SENP7: variants seen among roughly 807,000 people sequenced by gnomAD.
SENP7 encodes sentrin-specific protease 7.
Under a neutral mutation model 141.2 loss-of-function variants are expected in SENP7, and 64 were observed. That is an observed-to-expected ratio of 0.45 (90% confidence interval 0.37 to 0.56). The LOEUF (loss-of-function observed/expected upper bound fraction) is 0.56. Among genes scored for constraint, SENP7 ranks in the 20% least tolerant of loss-of-function variants. The pLI, the probability that SENP7 is intolerant of heterozygous loss-of-function variation, is 0.00. For synonymous variants in SENP7, 382 were observed against 426.4 expected, an observed-to-expected ratio of 0.90 and a Z score of 1.28; for missense variants, 1,025 against 1,212.2, an observed-to-expected ratio of 0.85 and a Z score of 2.29.
chr3:101,453,512 T>A (rs1338956528), intron 4 of SENP7, among the ~76,000 whole-genome samples: 2 of 152,152 alleles, frequency 1.3e-5, no homozygotes, highest in African/African-American at 4.8e-5. Flanking sequence ...GTGGCACATA[T>A]ACACCATGGA....
intron 2 of SENP7, among the ~76,000 whole-genome samples, chr3:101,500,439 C>T (rs1450164761): frequency 4.6e-5 from 7 of 151,836 alleles, no homozygotes; most frequent in Non-Finnish European, 7.4e-5. Context: ...TCCCTGTATT[C>T]CCAGCTACAT....
intron 4 of SENP7, among the ~76,000 whole-genome samples, chr3:101,446,404 T>C (rs758603447): frequency 5.3e-5 from 8 of 152,254 alleles, no homozygotes; most frequent in Non-Finnish European, 7.3e-5. Context: ...ATCTGCACTA[T>C]AGACCTAATA....
intron 22 of SENP7, 148 bp from the exon 23 acceptor site, chr3:101,327,964 T>C: frequency 1.8e-6 from 1 of 566,924 alleles, no homozygotes; most frequent in Admixed American, 3.7e-5. Context: ...AACCTACATT[T>C]TATAAGGCTC....
Position 101,417,840 on chromosome 3 carries a change from T to A in SENP7, c.285-50A>T, listed in dbSNP as rs769630732. The A allele has an allele frequency of 8.7e-6, 12 of 1,378,568 alleles. No individual in the cohort carries two copies. In the South Asian group the frequency reaches 1.4e-4, roughly 16 times the overall value. 85.4% of individuals were successfully genotyped at this position (1,378,568 alleles called of 1,614,324 possible). ...ATATATGGTACTACACATTGTAGAATACATGAATTCATCACAAACTAATAT... is the reference window on the plus strand; with the variant it reads ...ATATATGGTACTACACATTGTAGAAAACATGAATTCATCACAAACTAATAT... On this transcript the variant is annotated intron_variant, in intron 4 of 23. Transcript: ENST00000394095.
At chr3:101,455,446 G>A (rs1406697460) in intron 4 of SENP7, among the ~76,000 whole-genome samples, 1 of 152,052 alleles carries the variant, frequency 6.6e-6, no homozygotes, top group East Asian at 1.9e-4. Flanking sequence ...TATAAATAGA[G>A]GGTTTTCAGT....
chr3:101,368,038 T>A (rs1487977048), intron 7 of SENP7, 27 bp from the exon 8 acceptor site: 9 of 1,556,708 alleles, frequency 5.8e-6, no homozygotes, highest in Admixed American at 5.7e-5. Context: ...AGCATAAATA[T>A]GGACAAAAAA....
chr3:101,492,048 C>T (rs577024527), intron 3 of SENP7, among the ~76,000 whole-genome samples: 84 of 151,652 alleles, frequency 5.5e-4, no homozygotes, highest in Middle Eastern at 3.4e-3. Flanking sequence ...GCCGAGATCG[C>T]GACATTGCAC....
Position 101,376,696 on chromosome 3 carries a change from A to G in SENP7, c.678-4570T>C, listed in dbSNP as rs145711659. ...TACACCTAATGTTAAATGACGAGTTAATGGGTGCAGCACACCAACATGGCA... is the reference window on the plus strand; with the variant it reads ...TACACCTAATGTTAAATGACGAGTTGATGGGTGCAGCACACCAACATGGCA... On this transcript the variant is annotated intron_variant, in intron 6 of 23. Coordinates refer to ENST00000394095, the MANE Select transcript of SENP7 (RefSeq NM_020654.5). Among the ~76,000 whole-genome samples, 455 of 152,268 alleles carry G rather than the reference A, an allele frequency of 3.0e-3. 11 individuals are homozygous for G. The East Asian group carries it at 0.065, about 22-fold the overall frequency.
chr3:101,443,011 C>T (rs192668394), intron 4 of SENP7, among the ~76,000 whole-genome samples: 98 of 152,278 alleles, frequency 6.4e-4, no homozygotes, highest in South Asian at 1.9e-3. Flanking sequence ...GTTTTAGACA[C>T]GAAGTCCCTG....
At chr3:101,504,941 C>G (rs1264185934) in intron 1 of SENP7, among the ~76,000 whole-genome samples, 1 of 152,000 alleles carries the variant, frequency 6.6e-6, no homozygotes, top group Non-Finnish European at 1.5e-5. Flanking sequence ...ATCGCTTGAG[C>G]CCAGGAGGTC....
chr3:101,344,724 T>C (rs553605632), intron 13 of SENP7, among the ~76,000 whole-genome samples: 2 of 152,196 alleles, frequency 1.3e-5, no homozygotes, highest in East Asian at 3.9e-4. Flanking sequence ...AAAGGAATAA[T>C]ATATAAGTAA....
chr3:101,441,308 A>T (rs1203946146), intron 4 of SENP7, among the ~76,000 whole-genome samples: 1 of 152,152 alleles, frequency 6.6e-6, no homozygotes, highest in African/African-American at 2.4e-5. Flanking sequence ...GGATGGCTAC[A>T]GCCAACACCC....
In SENP7 at chr3:101,366,568, C is replaced by T. The variant is rs747181985; in HGVS notation, c.1180G>A (p.Val394Ile). ...SASAGSTTET[V>I]ENSNSIDIVG... ...ATATCAATGGAATTAGAGTTCTCAA[C>T]GGTTTCAGTGGTTGAACCGGCAGAG... The change falls in exon 9 of 24, where the codon GTT becomes ATT. Residue 394 changes from valine (V) to isoleucine (I), a missense_variant. Physicochemically the swap from Val to Ile is conservative, Grantham distance 29. Coordinates refer to ENST00000394095, the MANE Select transcript of SENP7 (RefSeq NM_020654.5). 15 of 1,613,876 alleles carry T rather than the reference C, an allele frequency of 9.3e-6. No homozygotes were observed. Among genetic ancestry groups the T allele is most frequent in the East Asian group, 2.2e-5 (1 of 44,860 alleles).
intron 5 of SENP7, chr3:101,414,438 G>A: frequency 8.9e-7 from 1 of 1,129,582 alleles, no homozygotes; most frequent in Non-Finnish European, 1.3e-6. Context: ...AGTTGGAGAA[G>A]TTCCAGGACC....
rs1426005092 is a variant in SENP7 at position 101,444,291 on chromosome 3, G to A, written c.284+14664C>T. ...AAATAGGAACACTTTGACACTGCTG[G>A]TGGGATTGTAAACTAGTTCAACCAC... On this transcript the variant is annotated intron_variant, in intron 4 of 23. Transcript: ENST00000394095. 2.0e-5 allele frequency among the ~76,000 whole-genome samples: 3 copies of A among 150,680 alleles called. No homozygotes were observed. The Admixed American group carries it at 2.0e-4, about 10-fold the overall frequency.
intron 3 of SENP7, among the ~76,000 whole-genome samples, chr3:101,492,756 G>C (rs2065014618): frequency 6.6e-6 from 1 of 152,140 alleles, no homozygotes; most frequent in Non-Finnish European, 1.5e-5. Flanking sequence ...CCAGCACTCT[G>C]GGAGACCAAA....
At chr3:101,408,936 A>G (rs920077842) in intron 5 of SENP7, among the ~76,000 whole-genome samples, 2 of 152,196 alleles carry the variant, frequency 1.3e-5, no homozygotes, top group East Asian at 3.8e-4. Flanking sequence ...GGCCAGAGCA[A>G]TCACACAAGA....
chr3:101,482,688 G>A (rs954622392), intron 3 of SENP7, among the ~76,000 whole-genome samples: 2 of 152,070 alleles, frequency 1.3e-5, no homozygotes, highest in African/African-American at 4.8e-5. Flanking sequence ...TCAAGAGAGT[G>A]TGGTATGGGT....
chr3:101,410,282 T>C (rs1022291489), intron 5 of SENP7, among the ~76,000 whole-genome samples: 1 of 152,150 alleles, frequency 6.6e-6, no homozygotes, highest in South Asian at 2.1e-4. Flanking sequence ...AAATAGTAGA[T>C]GTTGGCATGG....
Sources: gnomAD v4.1 joint callset for allele counts (sites outside exome capture counted in the v4.1 genomes callset) on GRCh38, gnomAD v4.1.1 for gene constraint, MANE v1.5 for transcripts, NCBI Gene and HGNC (gene_info 2026-07-23, HGNC 2026-07-21) for gene names.